Variants in POTEE observed in about 807,000 individuals in gnomAD.
POTEE encodes POTE ankyrin domain family member E, also known as ANKRD26-like family C member 1A.
Under a neutral mutation model 74.2 loss-of-function variants are expected in POTEE, and 21 were observed. The ratio of observed to expected loss-of-function variants is 0.28; its 90% CI spans 0.20 to 0.41. POTEE has a LOEUF of 0.41. Ranked by LOEUF, POTEE falls within the 10% of genes least tolerant of loss-of-function variation. The pLI, the probability that POTEE is intolerant of heterozygous loss-of-function variation, is 1.00. For synonymous variants in POTEE, 211 were observed against 432.8 expected (o/e 0.49, Z 6.36); for missense variants, 525 against 1,158.6 (o/e 0.45, Z 7.94).
chr2:131,210,314 C>T (rs1700330667), intron 1 of POTEE, among the ~76,000 whole-genome samples: 1 of 99,050 alleles, frequency 1.0e-5, no homozygotes, highest in Admixed American at 1.3e-4. Flanking sequence ...GGGTGCTACA[C>T]TGCCTGTGGA....
chr2:131,217,869 C>T (rs1439552921), intron 3 of POTEE, among the ~76,000 whole-genome samples, 186 bp downstream of exon 3: 1 of 149,410 alleles, frequency 6.7e-6, no homozygotes, highest in Non-Finnish European at 1.5e-5. Flanking sequence ...CGGCCTGTAA[C>T]GGCTTGCACG....
At chr2:131,222,777 T>G (rs934999683) in intron 4 of POTEE, among the ~76,000 whole-genome samples, 4 of 152,122 alleles carry the variant, frequency 2.6e-5, no homozygotes, top group African/African-American at 9.7e-5. Flanking sequence ...AAAGTAAGAA[T>G]TGGTTTATTT....
intron 2 of POTEE, among the ~76,000 whole-genome samples, chr2:131,213,297 G>A (rs577826673): frequency 5.3e-5 from 8 of 151,382 alleles, no homozygotes; most frequent in South Asian, 4.2e-4. Flanking sequence ...CTGCAGTGTC[G>A]AGCCCTCTTT....
At chr2:131,211,001 G>A (rs1700344382) in intron 1 of POTEE, among the ~76,000 whole-genome samples, 27 bp from the exon 2 acceptor site, 1 of 151,060 alleles carries the variant, frequency 6.6e-6, no homozygotes, top group Non-Finnish European at 1.5e-5. Context: ...AGGCTCTAAC[G>A]TTACCACTCC....
chr2:131,227,766 A>ATT (rs1700826128), intron 7 of POTEE, among the ~76,000 whole-genome samples: 3 of 149,768 alleles, frequency 2.0e-5, no homozygotes, highest in Admixed American at 6.6e-5. Context: ...TACATGTGGC[A>ATT]TTTAATTCAG....
At chr2:131,231,466 T>G (rs545715468) in intron 9 of POTEE, among the ~76,000 whole-genome samples, 1 of 152,056 alleles carries the variant, frequency 6.6e-6, no homozygotes. Context: ...GACCCCTGCT[T>G]TGCGTGGTCC....
intron 10 of POTEE, among the ~76,000 whole-genome samples, chr2:131,237,898 C>T (rs201297058): frequency 1.2e-3 from 166 of 141,430 alleles, no homozygotes; most frequent in African/African-American, 2.3e-3. Flanking sequence ...CAAATGGTGA[C>T]CAAATTAAGT....
At chr2:131,228,871 T>G (rs1179149936) in intron 8 of POTEE, among the ~76,000 whole-genome samples, 5 of 144,998 alleles carry the variant, frequency 3.4e-5, no homozygotes, top group African/African-American at 1.4e-4. Context: ...GCAATCATTC[T>G]GTTGTTTCCG....
rs563293068 is a variant in POTEE at position 131,230,962 on chromosome 2, C to A, written c.1126+56C>A. ...CAGTTGTCCCCAACCTTTTTGACAC[C>A]AGGGACCGGTTTTGTGGAAGACAAT... On this transcript the variant is annotated intron_variant, in intron 9 of 17. Coordinates refer to ENST00000683005, the MANE Select transcript of POTEE (RefSeq NM_001083538.3). The A allele has an allele frequency of 1.9e-4, 287 of 1,534,282 alleles. 2 individuals are homozygous for A. The African/African-American group carries it at 3.6e-3, about 19-fold the overall frequency.
Position 131,263,941 on chromosome 2 carries a change from C to T in POTEE, c.2486C>T (p.Thr829Ile), listed in dbSNP as rs1461888934. ...MTQIMFETFNTPAMYVAIQAV... is the reference protein window; with the variant it reads ...MTQIMFETFNIPAMYVAIQAV... ...CAGATCATGTTTGAGACCTTCAACA[C>T]CCCAGCCATGTACGTGGCCATCCAG... The change falls in exon 18 of 18, where the codon ACC becomes ATC. Residue 829 changes from threonine (T) to isoleucine (I), a missense_variant. Transcript: ENST00000683005. 4 of 1,614,116 alleles carry T rather than the reference C, an allele frequency of 2.5e-6. No individual in the cohort carries two copies. The highest frequency in any genetic ancestry group is 3.4e-6 in the Non-Finnish European group (4 of 1,180,050).
intron 9 of POTEE, among the ~76,000 whole-genome samples, chr2:131,233,160 A>G (rs935745132): frequency 2.0e-5 from 3 of 152,144 alleles, no homozygotes; most frequent in African/African-American, 7.2e-5. Flanking sequence ...GGGGAGTCAT[A>G]AGATTAAATC....
chr2:131,214,612 T>C (rs1157149305), intron 2 of POTEE, among the ~76,000 whole-genome samples: 1 of 152,080 alleles, frequency 6.6e-6, no homozygotes, highest in African/African-American at 2.4e-5. Context: ...AAATATTTTG[T>C]AAGAAAAATA....
chr2:131,210,364 C>T (rs1176143365), intron 1 of POTEE, among the ~76,000 whole-genome samples: 29 of 145,918 alleles, frequency 2.0e-4, no homozygotes, highest in African/African-American at 7.3e-4. Flanking sequence ...ACACTGCCTG[C>T]AACTGGCACA....
chr2:131,217,768 CGCACGCCGCACG>C lies in POTEE; in HGVS notation c.-94+86_-94+97del, dbSNP rs1325725917. Reference sequence around the variant, plus strand: ...CACGCCGCACGCCGCACGCCGCACGCGCACGCCGCACGCGCACGCGCACGCCCGGCAGCAGCT... The same window carrying C: ...CACGCCGCACGCCGCACGCCGCACGCCGCACGCGCACGCCCGGCAGCAGCT... On this transcript the variant is annotated intron_variant, in intron 3 of 17. Transcript: ENST00000683005. Among the ~76,000 whole-genome samples the C allele has an allele frequency of 2.3e-3, 25 of 10,724 alleles. No individual in the cohort carries two copies. The Admixed American group carries it at 0.026, about 11-fold the overall frequency. The allele number at this position is 10,724 out of a possible 152,430, so 7.0% of individuals were successfully genotyped here.
chr2:131,220,426 G>A (rs565877293), intron 4 of POTEE, among the ~76,000 whole-genome samples: 2 of 152,152 alleles, frequency 1.3e-5, no homozygotes, highest in South Asian at 4.1e-4. Context: ...GGCAGGTCTT[G>A]AACTCCTGTC....
chr2:131,213,377 G>A (rs1219473492), intron 2 of POTEE, among the ~76,000 whole-genome samples: 1 of 150,146 alleles, frequency 6.7e-6, no homozygotes, highest in Non-Finnish European at 1.5e-5. Context: ...AGAAGTTTAT[G>A]CATTTTCTTG....
intron 16 of POTEE, among the ~76,000 whole-genome samples, chr2:131,254,759 T>C (rs1345326519): frequency 2.5e-5 from 3 of 119,418 alleles, no homozygotes; most frequent in Admixed American, 1.8e-4. Context: ...GAAAACTACA[T>C]TTATAAAATA....
In POTEE at chr2:131,264,931, A is replaced by T; in HGVS notation, c.*248A>T. The T allele has an allele frequency of 1.6e-6, 1 of 630,188 alleles. No individual in the cohort carries two copies. The highest frequency in any genetic ancestry group is 2.7e-6 in the Non-Finnish European group (1 of 363,820). 39.0% of individuals were successfully genotyped at this position (630,188 alleles called of 1,614,324 possible). On this transcript the variant is annotated 3_prime_UTR_variant, in exon 18 of 18. Coordinates refer to ENST00000683005, the MANE Select transcript of POTEE (RefSeq NM_001083538.3). The stretch of plus-strand genomic sequence containing the variant: ...TACATTGTTCTTCTTTTCAATAGTC[A>T]TTCCAAATATTGTGAGACGCATTGT...
Position 131,264,129 on chromosome 2 carries a change from A to G in POTEE, c.2674A>G (p.Ile892Val), listed in dbSNP as rs202129718. ...GGAACTGCCTGACTACCTCATGAAG[A>G]TCCTCACCGAGCGTGGCTATAGGTT... ...GRELPDYLMK[I>V]LTERGYRFTT... The change falls in exon 18 of 18, where the codon ATC (isoleucine) becomes GTC (valine). Residue 892 changes from isoleucine (I) to valine (V), a missense_variant. Transcript: ENST00000683005. 9,392 of 1,613,320 alleles carry G rather than the reference A, an allele frequency of 5.8e-3. 21 individuals are homozygous for G. In the African/African-American group the frequency reaches 0.11, roughly 18 times the overall value.
Sources: allele counts gnomAD v4.1 joint callset (sites outside exome capture counted in the v4.1 genomes callset), GRCh38; gene constraint gnomAD v4.1.1; transcripts MANE v1.5; gene names NCBI Gene and HGNC (gene_info 2026-07-23, HGNC 2026-07-21).